JCAD: variants seen among roughly 807,000 people sequenced by gnomAD.
JCAD encodes junctional cadherin 5-associated protein.
In JCAD, 40 loss-of-function variants were observed where a neutral mutation model predicts 98.0. The observed-to-expected ratio is 0.41, with a 90% CI of 0.32 to 0.53. The LOEUF is 0.53. Ranked by LOEUF, JCAD falls within the 20% of genes least tolerant of loss-of-function variation. JCAD has a pLI of 0.31. For synonymous variants in JCAD, 691 were observed against 682.3 expected, an observed-to-expected ratio of 1.01 and a Z score of -0.20; for missense variants, 1,705 against 1,738.1, an observed-to-expected ratio of 0.98 and a Z score of 0.34.
intron 1 of JCAD, among the ~76,000 whole-genome samples, chr10:30,080,950 T>C (rs188084340): frequency 6.6e-6 from 1 of 152,364 alleles, no homozygotes; most frequent in African/African-American, 2.4e-5. Flanking sequence ...GTTCTCAGTT[T>C]AGGGATAGAG....
chr10:30,050,173 G>C (rs1408453757), intron 1 of JCAD, among the ~76,000 whole-genome samples: 1 of 151,816 alleles, frequency 6.6e-6, no homozygotes, highest in African/African-American at 2.4e-5. Flanking sequence ...AAATTAGCCA[G>C]GCATGATGGC....
At position 30,017,683 on chromosome 10, in the gene JCAD, C is replaced by A; in HGVS notation, c.*200G>T. 1 of 633,894 alleles carries A rather than the reference C, an allele frequency of 1.6e-6. No individual in the cohort carries two copies. The highest frequency in any genetic ancestry group is 1.9e-5 in the South Asian group (1 of 53,240). The allele number at this position is 633,894 out of a possible 1,614,324, so 39.3% of individuals were successfully genotyped here. A position where few individuals can be genotyped will look rare whatever the true frequency, so the allele number is the denominator to read the frequency against. On this transcript the variant is annotated 3_prime_UTR_variant, in exon 4 of 4. Coordinates refer to ENST00000375377, the MANE Select transcript of JCAD (RefSeq NM_020848.4). Reference sequence around the variant, plus strand: ...ATGCTATAAAAACAGATGGTTTCAACGGACGATTGCTTTATCGCCACAAAG... The same window carrying A: ...ATGCTATAAAAACAGATGGTTTCAAAGGACGATTGCTTTATCGCCACAAAG...
intron 1 of JCAD, among the ~76,000 whole-genome samples, chr10:30,051,284 G>A (rs9417740): frequency 1.7e-3 from 255 of 146,860 alleles, no homozygotes; most frequent in African/African-American, 2.2e-3. Context: ...ACACACGCAC[G>A]CACACACACA....
Position 30,026,762 on chromosome 10 carries a change from A to G in JCAD, c.3386T>C (p.Leu1129Pro), listed in dbSNP as rs765738548. Reference protein sequence around the residue: ...CTPESPQEELLSRPAPADVPR... With the variant: ...CTPESPQEELPSRPAPADVPR... The stretch of plus-strand genomic sequence containing the variant: ...GACATCTGCCGGTGCTGGGCGAGAT[A>G]GCAACTCTTCCTGGGGGGACTCTGG... Residue 1129 changes from leucine to proline, a missense_variant, in exon 3 of 4, where the codon CTA becomes CCA. Leu to Pro is a moderately conservative substitution (Grantham distance 98). Coordinates refer to ENST00000375377, the MANE Select transcript of JCAD (RefSeq NM_020848.4). 36 of 1,614,040 alleles carry G rather than the reference A, an allele frequency of 2.2e-5. No individual in the cohort carries two copies. The South Asian group carries it at 3.8e-4, about 17-fold the overall frequency.
At chr10:30,102,288 C>T (rs1838485762) in intron 1 of JCAD, among the ~76,000 whole-genome samples, 1 of 152,140 alleles carries the variant, frequency 6.6e-6, no homozygotes. Flanking sequence ...CCTGCCTCAG[C>T]CTCCCAATTA....
chr10:30,109,035 C>A (rs1838640252), intron 1 of JCAD, among the ~76,000 whole-genome samples: 1 of 152,108 alleles, frequency 6.6e-6, no homozygotes, highest in South Asian at 2.1e-4. Flanking sequence ...GACAGAGGGC[C>A]ACAGAGCTGC....
chr10:30,027,901 G>T lies in JCAD; in HGVS notation c.2247C>A (p.Asn749Lys), dbSNP rs1179135133. 2.5e-6 allele frequency: 4 copies of T among 1,614,098 alleles called. No individual in the cohort carries two copies. ...GGCTGAGGGACCTGTGACCTTTCAG[G>T]TTACGGGCACTTGGCCTCTGTTTGT... ...GDHKQRPSAR[N>K]LKGHRSLSPS... is the part of the protein sequence containing the mutation. Residue 749 changes from asparagine (N) to lysine (K), a missense_variant, in exon 3 of 4, where the codon AAC becomes AAA. Around this residue, in one of 3 missense-constraint regions of JCAD, gnomAD observed 1,278 missense variants for 1,243.1 expected, o/e 1.03. Coordinates refer to ENST00000375377, the MANE Select transcript of JCAD (RefSeq NM_020848.4).
chr10:30,072,772 C>A (rs75888796), intron 1 of JCAD, among the ~76,000 whole-genome samples: 1 of 151,982 alleles, frequency 6.6e-6, no homozygotes, highest in Admixed American at 6.5e-5. Context: ...CCTGCCTCAG[C>A]CTCCGAGTAG....
intron 1 of JCAD, among the ~76,000 whole-genome samples, chr10:30,078,258 C>T (rs1435215138): frequency 6.6e-6 from 1 of 152,200 alleles, no homozygotes; most frequent in Non-Finnish European, 1.5e-5. Context: ...TATTTCTTCA[C>T]AGATTTCAGA....
intron 1 of JCAD, among the ~76,000 whole-genome samples, chr10:30,058,714 G>T (rs1837633950): frequency 6.6e-6 from 1 of 152,180 alleles, no homozygotes; most frequent in South Asian, 2.1e-4. Flanking sequence ...TGCCCGCGGA[G>T]ATCTGAGCGC....
chr10:30,027,066 T>C lies in JCAD; in HGVS notation c.3082A>G (p.Arg1028Gly). The C allele has an allele frequency of 6.2e-7, 1 of 1,614,138 alleles. No individual in the cohort carries two copies. The highest frequency in any genetic ancestry group is 8.5e-7 in the Non-Finnish European group (1 of 1,179,984). The change falls in exon 3 of 4, where the codon AGG (arginine) becomes GGG (glycine). Residue 1028 changes from arginine (R) to glycine (G), a missense_variant. Arg to Gly is a moderately radical substitution (Grantham distance 125, BLOSUM62 -2). Transcript: ENST00000375377. ...AGGGACAGTGGGAGCCCTGCCCCCCTCTCTCCACCACTGTCAAACTTCCGA... is the reference window on the plus strand; with the variant it reads ...AGGGACAGTGGGAGCCCTGCCCCCCCCTCTCCACCACTGTCAAACTTCCGA... The part of the protein sequence containing the change: ...VPRKFDSGGE[R>G]GAGLPLSLSN...
At chr10:30,072,183 G>C (rs1178653693) in intron 1 of JCAD, among the ~76,000 whole-genome samples, 2 of 151,992 alleles carry the variant, frequency 1.3e-5, no homozygotes, top group Admixed American at 1.3e-4. Flanking sequence ...GAGAGAGGGA[G>C]GGGAGAGGGA....
intron 2 of JCAD, among the ~76,000 whole-genome samples, chr10:30,046,379 A>G (rs1410258034): frequency 1.3e-5 from 2 of 152,190 alleles, no homozygotes; most frequent in Non-Finnish European, 2.9e-5. Context: ...AAACACCCAC[A>G]GATGCAGCTG....
chr10:30,099,282 T>G (rs1216151358), intron 1 of JCAD, among the ~76,000 whole-genome samples: 1 of 152,212 alleles, frequency 6.6e-6, no homozygotes, highest in Non-Finnish European at 1.5e-5. Context: ...TATTCCTAAC[T>G]TCTCATTTTC....
At chr10:30,033,759 G>A (rs767642626) in intron 2 of JCAD, among the ~76,000 whole-genome samples, 14 of 152,230 alleles carry the variant, frequency 9.2e-5, no homozygotes, top group Non-Finnish European at 1.6e-4. Context: ...CAGCAACAGT[G>A]CGTGAAGCCT....
chr10:30,111,412 G>A (rs1838700522), intron 1 of JCAD, among the ~76,000 whole-genome samples: 1 of 152,172 alleles, frequency 6.6e-6, no homozygotes, highest in Non-Finnish European at 1.5e-5. Flanking sequence ...CTTAGGCCCA[G>A]GGCTGGGGAA....
intron 1 of JCAD, among the ~76,000 whole-genome samples, chr10:30,072,663 T>G (rs1006644151): frequency 3.9e-5 from 6 of 151,980 alleles, no homozygotes; most frequent in Admixed American, 6.6e-5. Context: ...AATTTCTTTT[T>G]TTTTTTTGAG....
chr10:30,091,767 T>C, intron 1 of JCAD, among the ~76,000 whole-genome samples: 1 of 139,300 alleles, frequency 7.2e-6, no homozygotes, highest in South Asian at 2.3e-4. Flanking sequence ...CTCACTCCTG[T>C]AATCCTAGCA....
At chr10:30,078,040 A>C (rs1225578275) in intron 1 of JCAD, among the ~76,000 whole-genome samples, 1 of 152,210 alleles carries the variant, frequency 6.6e-6, no homozygotes, top group Non-Finnish European at 1.5e-5. Flanking sequence ...CAATGAAGGG[A>C]GGGTTCCAAT....
Sources: gnomAD v4.1 joint callset for allele counts (sites outside exome capture counted in the v4.1 genomes callset) on GRCh38, gnomAD v4.1.1 for gene constraint, gnomAD v4.1.1 regional missense constraint, MANE v1.5 for transcripts, NCBI Gene and HGNC (gene_info 2026-07-23, HGNC 2026-07-21) for gene names.